The following GALNT11 variants were observed in gnomAD, a reference collection of about 807,000 sequenced individuals.
The protein encoded by GALNT11 is UDP-GalNAc:polypeptide N-acetylgalactosaminyltransferase 11.
GALNT11 carries 47 observed loss-of-function variants against 72.7 expected under a neutral mutation model. That is an observed-to-expected ratio of 0.65 (90% confidence interval 0.51 to 0.82). The LOEUF is 0.82. Among genes scored for constraint, GALNT11 ranks in the 40% least tolerant of loss-of-function variants. The probability of loss-of-function intolerance (pLI) is 0.00; values close to 1 mark genes in which losing one functional copy is unlikely to be tolerated. For synonymous variants in GALNT11, 270 were observed against 286.6 expected (o/e 0.94, Z 0.58); for missense variants, 677 against 778.4 (o/e 0.87, Z 1.55).
chr7:152,084,887 G>A (rs576266479), intron 1 of GALNT11, among the ~76,000 whole-genome samples: 1 of 152,174 alleles, frequency 6.6e-6, no homozygotes, highest in Non-Finnish European at 1.5e-5. Flanking sequence ...CAAATTGTCT[G>A]TTGGGATATC....
chr7:152,073,616 G>T (rs1424730433), intron 1 of GALNT11, among the ~76,000 whole-genome samples: 4 of 152,188 alleles, frequency 2.6e-5, no homozygotes, highest in African/African-American at 9.7e-5. Flanking sequence ...GGATGTAGAT[G>T]TCTCTTCGAT....
In GALNT11 at chr7:152,099,546, T is replaced by TG. The variant is rs1427768455; in HGVS notation, c.296-1252_296-1251insG. On this transcript the variant is annotated intron_variant, in intron 2 of 11. Transcript: ENST00000430044. ...TCCCGCCTAGTTTTTTTTTTTTTTT[T>TG]TTTTTTTTTTTTTGTATTTTTAGTA... Among the ~76,000 whole-genome samples the TG allele has an allele frequency of 3.5e-4, 47 of 135,488 alleles. 1 individual carries two copies. Among genetic ancestry groups the TG allele is most frequent in the Admixed American group, 1.4e-3 (19 of 13,270 alleles). The allele number at this position is 135,488 out of a possible 152,430, so 88.9% of individuals were successfully genotyped here. A position where few individuals can be genotyped will look rare whatever the true frequency, so the allele number is the denominator to read the frequency against.
chr7:152,121,057 T>C, intron 11 of GALNT11, 89 bp downstream of exon 11: 1 of 1,490,872 alleles, frequency 6.7e-7, no homozygotes, highest in Non-Finnish European at 9.0e-7. Flanking sequence ...TTTTCTACCT[T>C]GGGGGTGGTC....
intron 5 of GALNT11, among the ~76,000 whole-genome samples, chr7:152,106,476 A>G (rs985726535): frequency 1.3e-5 from 2 of 151,784 alleles, no homozygotes; most frequent in African/African-American, 2.4e-5. Flanking sequence ...CAGCTCCTCT[A>G]CATCCTATCT....
intron 2 of GALNT11, among the ~76,000 whole-genome samples, chr7:152,097,965 A>G (rs1370638291): frequency 1.3e-5 from 2 of 152,242 alleles, no homozygotes; most frequent in Non-Finnish European, 2.9e-5. Flanking sequence ...ACTAAATGTC[A>G]CTAATGGTAT....
At chr7:152,082,391 G>C (rs1467333007) in intron 1 of GALNT11, among the ~76,000 whole-genome samples, 3 of 152,196 alleles carry the variant, frequency 2.0e-5, no homozygotes, top group Non-Finnish European at 4.4e-5. Context: ...GCTGGAACGG[G>C]ACCTCACATT....
intron 1 of GALNT11, among the ~76,000 whole-genome samples, chr7:152,047,661 C>A (rs1288931007): frequency 6.6e-6 from 1 of 151,648 alleles, no homozygotes; most frequent in Non-Finnish European, 1.5e-5. Flanking sequence ...TGCACCACTG[C>A]ACTCTAGCCT....
intron 1 of GALNT11, among the ~76,000 whole-genome samples, chr7:152,047,768 C>T (rs191327530): frequency 1.3e-4 from 20 of 150,358 alleles, no homozygotes; most frequent in African/African-American, 5.0e-4. Flanking sequence ...TATATTTTAC[C>T]TTCATTACAT....
At chr7:152,073,725 C>T (rs181203665) in intron 1 of GALNT11, among the ~76,000 whole-genome samples, 1 of 152,248 alleles carries the variant, frequency 6.6e-6, no homozygotes, top group Admixed American at 6.5e-5. Context: ...ATACTGTTTT[C>T]CATAGTGGCT....
At chr7:152,068,595 A>G (rs560436812) in intron 1 of GALNT11, among the ~76,000 whole-genome samples, 86 of 152,260 alleles carry the variant, frequency 5.6e-4, no homozygotes, top group Admixed American at 3.1e-3. Flanking sequence ...TTTACTGTTC[A>G]TGGGAACAGT....
chr7:152,049,801 C>G (rs1337391863), intron 1 of GALNT11, among the ~76,000 whole-genome samples: 3 of 152,172 alleles, frequency 2.0e-5, no homozygotes, highest in African/African-American at 7.2e-5. Context: ...ACCTGGTGCT[C>G]TATTCTACTG....
chr7:152,080,857 C>G (rs2085281537), intron 1 of GALNT11, among the ~76,000 whole-genome samples: 1 of 151,902 alleles, frequency 6.6e-6, no homozygotes, highest in South Asian at 2.1e-4. Context: ...GTAATCCCAG[C>G]TACTCAGGAG....
chr7:152,085,743 C>G (rs1312328824), intron 1 of GALNT11, among the ~76,000 whole-genome samples: 1 of 152,040 alleles, frequency 6.6e-6, no homozygotes, highest in Non-Finnish European at 1.5e-5. Context: ...TGGAGACAGT[C>G]TCGCTCTCTT....
chr7:152,120,704 T>TGTAA lies in GALNT11; in HGVS notation c.1558-124_1558-121dup, dbSNP rs1246928865. 1.1e-5 allele frequency: 9 copies of TGTAA among 788,368 alleles called. No individual in the cohort carries two copies. The African/African-American group carries it at 1.5e-4, about 14-fold the overall frequency. The allele number at this position is 788,368 out of a possible 1,614,324, so 48.8% of individuals were successfully genotyped here. On this transcript the variant is annotated intron_variant, in intron 10 of 11. Transcript: ENST00000430044. ...TGAACCAAGTTGAAATCTGCTTCCC[T>TGTAA]GTAAGTCTAGTGCATTGGTCTGTTT...
chr7:152,061,444 A>G (rs937859240), intron 1 of GALNT11, among the ~76,000 whole-genome samples: 6 of 152,126 alleles, frequency 3.9e-5, no homozygotes, highest in African/African-American at 1.4e-4. Context: ...CTCTGATGGT[A>G]GTTTCTTTTG....
intron 1 of GALNT11, among the ~76,000 whole-genome samples, chr7:152,049,130 A>G (rs1190773138): frequency 1.3e-5 from 2 of 152,058 alleles, no homozygotes; most frequent in Non-Finnish European, 2.9e-5. Context: ...CTGATGCCTT[A>G]TTTAGTTCAT....
intron 2 of GALNT11, among the ~76,000 whole-genome samples, chr7:152,099,715 T>C (rs1008412634): frequency 6.7e-6 from 1 of 148,988 alleles, no homozygotes; most frequent in African/African-American, 2.5e-5. Flanking sequence ...TGATTAGGCC[T>C]GTGGAGGAAT....
chr7:152,075,635 C>A (rs1337719776), intron 1 of GALNT11, among the ~76,000 whole-genome samples: 1 of 152,064 alleles, frequency 6.6e-6, no homozygotes, highest in East Asian at 1.9e-4. Context: ...GGAGAAACTC[C>A]GTCTACAAAA....
chr7:152,121,053 A>G (rs1194202469), intron 11 of GALNT11, 85 bp downstream of exon 11: 5 of 1,500,018 alleles, frequency 3.3e-6, no homozygotes, highest in African/African-American at 1.4e-5. Context: ...CTCATTTTCT[A>G]CCTTGGGGGT....
Sources: gnomAD v4.1 joint callset for allele counts (sites outside exome capture counted in the v4.1 genomes callset) on GRCh38, gnomAD v4.1.1 for gene constraint, MANE v1.5 for transcripts, NCBI Gene and HGNC (gene_info 2026-07-23, HGNC 2026-07-21) for gene names.